UBR1: variants seen among roughly 807,000 people sequenced by gnomAD.
UBR1 encodes ubiquitin protein ligase E3 component n-recognin 1.
Under a neutral mutation model 242.1 loss-of-function variants are expected in UBR1, and 102 were observed. That is an observed-to-expected ratio of 0.42 (90% confidence interval 0.36 to 0.50). The LOEUF is 0.50. Among genes scored for constraint, UBR1 ranks in the 20% least tolerant of loss-of-function variants. UBR1 has a pLI of 0.01. For synonymous variants in UBR1, 675 were observed against 684.8 expected (o/e 0.99, Z 0.22); for missense variants, 1,772 against 2,101.8 (o/e 0.84, Z 3.07).
At chr15:43,020,399 T>G (rs1471756765) in intron 27 of UBR1, among the ~76,000 whole-genome samples, 1 of 152,218 alleles carries the variant, frequency 6.6e-6, no homozygotes, top group Non-Finnish European at 1.5e-5. Context: ...GTACTATAGA[T>G]TTTATCTTCA....
chr15:43,061,937 T>A (rs937698373), intron 6 of UBR1, among the ~76,000 whole-genome samples: 1 of 151,864 alleles, frequency 6.6e-6, no homozygotes, highest in South Asian at 2.1e-4. Context: ...AAATACCACC[T>A]GTACTCCAAT....
At chr15:43,105,840 C>T (rs1274509444) in intron 1 of UBR1, 102 bp downstream of exon 1, 13 of 1,154,328 alleles carry the variant, frequency 1.1e-5, no homozygotes, top group South Asian at 1.0e-4. Flanking sequence ...AGATAACTCC[C>T]CCTCCCCAGA....
rs2032422322 is a variant in UBR1, at chr15:42,983,977, G to A, written c.4070C>T (p.Ala1357Val). Reference protein sequence around the residue: ...LQNRQHNGLKALMQFAVAQRI... With the variant: ...LQNRQHNGLKVLMQFAVAQRI... ...CTGTGCAACTGCAAACTGCATTAAT[G>A]CTTTCAGACCATTATGCTAGATTGT... The change falls in exon 37 of 47, where the codon GCA (alanine) becomes GTA (valine). Residue 1357 changes from alanine to valine, a missense_variant. Physicochemically the swap from Ala to Val is moderately conservative, Grantham distance 64. Coordinates refer to ENST00000290650, the MANE Select transcript of UBR1 (RefSeq NM_174916.3). 3 of 1,612,918 alleles carry A rather than the reference G, an allele frequency of 1.9e-6. No homozygotes were observed. The highest frequency in any genetic ancestry group is 2.5e-6 in the Non-Finnish European group (3 of 1,179,334).
At chr15:43,069,525 T>C (rs931497167) in intron 5 of UBR1, among the ~76,000 whole-genome samples, 3 of 152,226 alleles carry the variant, frequency 2.0e-5, no homozygotes, top group Admixed American at 1.3e-4. Flanking sequence ...TCCACCCACC[T>C]CGGCCTCCCA....
In UBR1 at chr15:43,076,736, G is replaced by A. The variant is rs1424471249; in HGVS notation, c.418-1647C>T. Among the ~76,000 whole-genome samples the A allele has an allele frequency of 2.8e-5, 4 of 144,344 alleles. No individual in the cohort carries two copies. In the East Asian group the frequency reaches 6.4e-4, roughly 23 times the overall value. The allele number at this position is 144,344 out of a possible 152,430, so 94.7% of individuals were successfully genotyped here. Reference sequence around the variant, plus strand: ...CCACCCCGTCTGGGAAGTGAGGAGCGTCTCCGCCTGGCAGCCACCGCGTCC... The same window carrying A: ...CCACCCCGTCTGGGAAGTGAGGAGCATCTCCGCCTGGCAGCCACCGCGTCC... On this transcript the variant is annotated intron_variant, in intron 3 of 46. Transcript: ENST00000290650.
chr15:43,043,183 G>A, intron 15 of UBR1, 32 bp downstream of exon 15: 1 of 1,610,866 alleles, frequency 6.2e-7, no homozygotes, highest in Non-Finnish European at 8.5e-7. Flanking sequence ...AAAGCTAATA[G>A]GTATATGCAA....
intron 15 of UBR1, among the ~76,000 whole-genome samples, chr15:43,040,488 T>A (rs887605883): frequency 1.4e-4 from 21 of 152,022 alleles, no homozygotes; most frequent in African/African-American, 5.1e-4. Flanking sequence ...ACCTAAACCA[T>A]AAAAACCCTA....
At chr15:42,952,154 A>G in intron 45 of UBR1, 124 bp downstream of exon 45, 1 of 1,180,206 alleles carries the variant, frequency 8.5e-7, no homozygotes, top group Non-Finnish European at 1.3e-6. Context: ...TGTCAATAAC[A>G]GGTTAATACT....
At chr15:43,048,274 T>C in intron 13 of UBR1, 118 bp downstream of exon 13, 1 of 742,594 alleles carries the variant, frequency 1.3e-6, no homozygotes, top group Non-Finnish European at 2.2e-6. Context: ...TTAAATCTTG[T>C]TTCTACTTTG....
At chr15:43,051,056 C>G (rs893335278) in intron 12 of UBR1, among the ~76,000 whole-genome samples, 4 of 152,156 alleles carry the variant, frequency 2.6e-5, no homozygotes, top group African/African-American at 9.7e-5. Flanking sequence ...GTCATTCAAC[C>G]CGGCAATTTC....
chr15:43,032,941 G>A (rs377357910), intron 19 of UBR1, among the ~76,000 whole-genome samples: 3 of 152,068 alleles, frequency 2.0e-5, no homozygotes, highest in African/African-American at 4.8e-5. Context: ...TCTTACCTGC[G>A]TTAGTGAGAA....
At chr15:42,961,007 G>A (rs1422606899) in intron 42 of UBR1, among the ~76,000 whole-genome samples, 1 of 151,836 alleles carries the variant, frequency 6.6e-6, no homozygotes, top group African/African-American at 2.4e-5. Flanking sequence ...TGATCCGCCC[G>A]CCTCAGCCTC....
Position 43,054,797 on chromosome 15 carries a change from G to A in UBR1, c.1384C>T (p.Gln462Ter), listed in dbSNP as rs2033596870. 1.2e-6 allele frequency: 2 copies of A among 1,613,966 alleles called. No individual in the cohort carries two copies. Among genetic ancestry groups the A allele is most frequent in the African/African-American group, 1.3e-5 (1 of 74,902 alleles). ...CCCAATTTGTCCTGGCTATAACCCT[G>A]GAAGTTGAATTTATTGTTCCTGTCC... is the stretch of plus-strand genomic sequence containing the variant. ...YLDRNNKFNF[Q>*]GYSQDKLGRV... Residue 462 changes from glutamine (Q) to a stop codon, truncating the protein, a stop_gained, in exon 12 of 47, where the codon CAG (glutamine) becomes TAG (stop). Coordinates refer to ENST00000290650, the MANE Select transcript of UBR1 (RefSeq NM_174916.3). LOFTEE classifies it high-confidence loss of function.
At chr15:43,075,922 AT>A (rs902161078) in intron 3 of UBR1, among the ~76,000 whole-genome samples, 2 of 151,428 alleles carry the variant, frequency 1.3e-5, no homozygotes, top group African/African-American at 4.9e-5. Context: ...ACCTGATAAG[AT>A]TTTTTTAATT....
chr15:43,073,754 A>G (rs1885067794), intron 4 of UBR1, among the ~76,000 whole-genome samples: 1 of 152,192 alleles, frequency 6.6e-6, no homozygotes, highest in African/African-American at 2.4e-5. Flanking sequence ...AAGTAAGGTC[A>G]ATGTGAACCT....
intron 27 of UBR1, 38 bp downstream of exon 27, chr15:43,021,237 T>C: frequency 6.4e-7 from 1 of 1,573,938 alleles, no homozygotes; most frequent in Non-Finnish European, 8.7e-7. Flanking sequence ...TCTTAAATAT[T>C]TAAACCAAGA....
Position 43,038,190 on chromosome 15 carries a change from A to G in UBR1, c.1892T>C (p.Leu631Pro). ...ACTTACAAAAGACACAAATTCATGC[A>G]GTCTTGAAACAGCACCCAGCCTGCT... ...RLSRLGAVSR[L>P]HEFVSFEDFQ... The change falls in exon 16 of 47, where the codon CTG (leucine) becomes CCG (proline). Residue 631 changes from leucine to proline, a missense_variant. By Grantham distance (98) the Leu-to-Pro change is moderately conservative. Coordinates refer to ENST00000290650, the MANE Select transcript of UBR1 (RefSeq NM_174916.3). The G allele has an allele frequency of 6.2e-7, 1 of 1,614,148 alleles. No homozygotes were observed. The highest frequency in any genetic ancestry group is 8.5e-7 in the Non-Finnish European group (1 of 1,179,998).
intron 37 of UBR1, among the ~76,000 whole-genome samples, chr15:42,983,113 G>A (rs1301514965): frequency 6.6e-6 from 1 of 152,140 alleles, no homozygotes; most frequent in Non-Finnish European, 1.5e-5. Flanking sequence ...AGCTGTTATA[G>A]CCAGCCTGTC....
intron 29 of UBR1, 134 bp from the exon 30 acceptor site, chr15:43,007,418 A>T: frequency 1.2e-6 from 1 of 852,958 alleles, no homozygotes; most frequent in Non-Finnish European, 1.9e-6. Flanking sequence ...TAGCAATATT[A>T]AGTTAAAAGC....
Sources: allele counts gnomAD v4.1 joint callset (sites outside exome capture counted in the v4.1 genomes callset), GRCh38; gene constraint gnomAD v4.1.1; transcripts MANE v1.5; gene names NCBI Gene and HGNC (gene_info 2026-07-23, HGNC 2026-07-21).